PLXDC2: variants seen among roughly 807,000 people sequenced by gnomAD.
The protein encoded by PLXDC2 is plexin domain-containing protein 2.
A neutral mutation model predicts 68.9 loss-of-function variants in PLXDC2; 40 were observed. That is an observed-to-expected ratio of 0.58 (90% CI 0.45 to 0.76). The LOEUF (loss-of-function observed/expected upper bound fraction) is 0.76, where lower values mean the gene tolerates loss of function less well. Ranked by LOEUF, PLXDC2 falls within the 30% of genes least tolerant of loss-of-function variation. The pLI, the probability that PLXDC2 is intolerant of heterozygous loss-of-function variation, is 0.00. For missense variants in PLXDC2, 644 were observed against 661.9 expected (o/e 0.97, Z 0.30); for synonymous variants, 243 against 234.2 (o/e 1.04, Z -0.34).
At chr10:20,143,454 A>C (rs780258841) in intron 5 of PLXDC2, 37 bp downstream of exon 5, 2 of 1,608,540 alleles carry the variant, frequency 1.2e-6, no homozygotes, top group Admixed American at 3.3e-5. Flanking sequence ...CTGCATGTAT[A>C]TTTTTAAACC....
intron 1 of PLXDC2, among the ~76,000 whole-genome samples, chr10:19,912,325 T>C (rs534377770): frequency 1.1e-4 from 17 of 152,328 alleles, no homozygotes; most frequent in African/African-American, 3.8e-4. Context: ...ATAAAATTCA[T>C]CAAATGAAGA....
At chr10:20,035,703 T>A (rs890326442) in intron 2 of PLXDC2, among the ~76,000 whole-genome samples, 2 of 151,840 alleles carry the variant, frequency 1.3e-5, no homozygotes, top group African/African-American at 2.4e-5. Flanking sequence ...CTAAAATAAA[T>A]AAATAAAAAA....
rs191148755 is a variant in PLXDC2 at position 19,937,324 on chromosome 10, C to T, written c.113-64451C>T. Among the ~76,000 whole-genome samples, 265 of 151,960 alleles carry T rather than the reference C, an allele frequency of 1.7e-3. 1 individual carries two copies. Among genetic ancestry groups the T allele is most frequent in the South Asian group, 2.9e-3 (14 of 4,810 alleles). The stretch of plus-strand genomic sequence containing the variant: ...GACCTTTGCTTGGTCTGCCCTCAAT[C>T]GGAATATGCCAGGGTTTTGGTCTCT... On this transcript the variant is annotated intron_variant, in intron 1 of 13. Coordinates refer to ENST00000377252, the MANE Select transcript of PLXDC2 (RefSeq NM_032812.9).
At chr10:19,890,475 C>A (rs376773063) in intron 1 of PLXDC2, among the ~76,000 whole-genome samples, 3 of 151,408 alleles carry the variant, frequency 2.0e-5, no homozygotes, top group East Asian at 3.9e-4. Context: ...ATGTTTAGCT[C>A]CTATTTATAA....
chr10:20,096,515 G>A (rs950896576), intron 4 of PLXDC2, among the ~76,000 whole-genome samples: 1 of 152,040 alleles, frequency 6.6e-6, no homozygotes, highest in Non-Finnish European at 1.5e-5. Flanking sequence ...AGCAGCAGAA[G>A]AGAAAATGAA....
chr10:20,127,428 T>C (rs902492101), intron 4 of PLXDC2, among the ~76,000 whole-genome samples: 1 of 152,206 alleles, frequency 6.6e-6, no homozygotes, highest in Non-Finnish European at 1.5e-5. Flanking sequence ...AAAATTTGTT[T>C]TGTAAACCAG....
chr10:20,171,846 G>A (rs1294864911), intron 7 of PLXDC2, among the ~76,000 whole-genome samples: 3 of 152,010 alleles, frequency 2.0e-5, no homozygotes, highest in South Asian at 2.1e-4. Context: ...GCAGTGGCTC[G>A]TGCCTGTAAT....
chr10:20,206,533 GA>G, intron 9 of PLXDC2, among the ~76,000 whole-genome samples: 1 of 152,064 alleles, frequency 6.6e-6, no homozygotes, highest in Non-Finnish European at 1.5e-5. Flanking sequence ...TCGGGGAAGG[GA>G]AAAGAATTTG....
chr10:20,164,536 T>C lies in PLXDC2; in HGVS notation c.852T>C (p.Phe284=). Residue 284 remains phenylalanine, a synonymous_variant, in exon 7 of 14, where the codon TTT becomes TTC. Transcript: ENST00000377252. ...TGAAAGTCGGACTGTCCGATGCATT[T>C]GTCGTTGTCCACAGGATCCAACAAA... ...HPVKVGLSDA[F]VVVHRIQQIP... 2 of 1,613,616 alleles carry C rather than the reference T, an allele frequency of 1.2e-6. No homozygotes were observed. The highest frequency in any genetic ancestry group is 1.7e-4 in the Middle Eastern group (1 of 6,054).
At chr10:19,849,774 A>G (rs770907584) in intron 1 of PLXDC2, among the ~76,000 whole-genome samples, 16 of 152,174 alleles carry the variant, frequency 1.1e-4, no homozygotes, top group Non-Finnish European at 1.8e-4. Context: ...TACAGTACAT[A>G]TTATATCTGT....
At chr10:20,017,212 T>C (rs1016087150) in intron 2 of PLXDC2, among the ~76,000 whole-genome samples, 1 of 152,122 alleles carries the variant, frequency 6.6e-6, no homozygotes, top group Non-Finnish European at 1.5e-5. Flanking sequence ...TGAGTGCTGA[T>C]TGGGCTTTGT....
chr10:20,086,920 C>T (rs79105834), intron 4 of PLXDC2, among the ~76,000 whole-genome samples: 1 of 152,130 alleles, frequency 6.6e-6, no homozygotes, highest in Non-Finnish European at 1.5e-5. Flanking sequence ...TAAAGCCTAC[C>T]ATATAGAGCC....
At chr10:19,947,159 G>A (rs1575867) in intron 1 of PLXDC2, among the ~76,000 whole-genome samples, 127,244 of 152,156 alleles carry the variant, frequency 0.84, 53,379 homozygotes, top group East Asian at 0.95. Context: ...AGCAAAGACA[G>A]CAACAACAAA....
At chr10:19,829,721 C>G (rs1041355408) in intron 1 of PLXDC2, among the ~76,000 whole-genome samples, 4 of 151,780 alleles carry the variant, frequency 2.6e-5, no homozygotes, top group Non-Finnish European at 2.9e-5. Flanking sequence ...GAGTGAGACT[C>G]CATATCAAAA....
At chr10:20,244,525 A>G (rs1042355785) in intron 12 of PLXDC2, among the ~76,000 whole-genome samples, 2 of 152,168 alleles carry the variant, frequency 1.3e-5, no homozygotes, top group African/African-American at 2.4e-5. Flanking sequence ...CATCTGTTAC[A>G]CTTTTAAAAA....
At chr10:20,204,484 G>T (rs1456580413) in intron 9 of PLXDC2, among the ~76,000 whole-genome samples, 2 of 151,804 alleles carry the variant, frequency 1.3e-5, no homozygotes, top group Non-Finnish European at 2.9e-5. Context: ...GCATACTGTG[G>T]CAAGAAAATT....
chr10:19,833,833 C>A (rs747541379), intron 1 of PLXDC2, among the ~76,000 whole-genome samples: 1 of 152,034 alleles, frequency 6.6e-6, no homozygotes, highest in Non-Finnish European at 1.5e-5. Flanking sequence ...GAAAAAGACA[C>A]CTGTTCTAAG....
At chr10:20,246,305 G>C (rs1317550572) in intron 13 of PLXDC2, among the ~76,000 whole-genome samples, 1 of 152,218 alleles carries the variant, frequency 6.6e-6, no homozygotes, top group Non-Finnish European at 1.5e-5. Context: ...AGTCACCTCT[G>C]TCCTCCAGAA....
At chr10:20,194,933 C>G (rs1422439241) in intron 9 of PLXDC2, among the ~76,000 whole-genome samples, 1 of 151,936 alleles carries the variant, frequency 6.6e-6, no homozygotes, top group East Asian at 1.9e-4. Flanking sequence ...GAAAAAGGTG[C>G]TTCTCTTCTT....
Sources: allele counts gnomAD v4.1 joint callset (sites outside exome capture counted in the v4.1 genomes callset), GRCh38; gene constraint gnomAD v4.1.1; transcripts MANE v1.5; gene names NCBI Gene and HGNC (gene_info 2026-07-23, HGNC 2026-07-21).